Variants in WWOX observed in about 807,000 individuals in gnomAD.
The protein encoded by WWOX is WW domain containing oxidoreductase.
Under a neutral mutation model 46.2 loss-of-function variants are expected in WWOX, and 69 were observed. The observed-to-expected ratio is 1.49, with a 90% CI of 1.23 to 1.82. The LOEUF is 1.82. Among genes scored for constraint, WWOX ranks in the 40% most tolerant of loss-of-function variants. The pLI, the probability that WWOX is intolerant of heterozygous loss-of-function variation, is 0.00. For synonymous variants in WWOX, 359 were observed against 202.6 expected (o/e 1.77, Z -6.56); for missense variants, 919 against 542.6 (o/e 1.69, Z -6.89).
chr16:78,386,294 G>C (rs981973636), intron 5 of WWOX, among the ~76,000 whole-genome samples: 1 of 152,152 alleles, frequency 6.6e-6, no homozygotes, highest in African/African-American at 2.4e-5. Context: ...TATTCCACCT[G>C]TTGATAGAGT....
intron 8 of WWOX, chr16:79,017,053 G>A (rs769392498): frequency 3.0e-4 from 45 of 152,134 alleles, no homozygotes; most frequent in Admixed American, 2.0e-3. Flanking sequence ...AGCACTGAGT[G>A]TAACTCCAGG....
At chr16:79,059,869 T>C (rs1191216662) in intron 8 of WWOX, among the ~76,000 whole-genome samples, 1 of 152,222 alleles carries the variant, frequency 6.6e-6, no homozygotes, top group Non-Finnish European at 1.5e-5. Flanking sequence ...CACACAAAAA[T>C]AGCTTTATTA....
At chr16:78,436,253 G>T (rs1977023) in intron 8 of WWOX, among the ~76,000 whole-genome samples, 27,133 of 152,076 alleles carry the variant, frequency 0.18, 3,135 homozygotes, top group East Asian at 0.42. Flanking sequence ...AAAGGGAAGA[G>T]AAGGGCTTTG....
chr16:78,754,424 G>A (rs2049582762), intron 8 of WWOX, among the ~76,000 whole-genome samples: 1 of 152,260 alleles, frequency 6.6e-6, no homozygotes, highest in African/African-American at 2.4e-5. Flanking sequence ...GTAGATCAGG[G>A]TTTTGAAGAG....
chr16:78,947,209 T>G (rs2045966396), intron 8 of WWOX, among the ~76,000 whole-genome samples: 1 of 152,088 alleles, frequency 6.6e-6, no homozygotes, highest in Admixed American at 6.5e-5. Flanking sequence ...TAAATTAGGA[T>G]AATCCAACTG....
chr16:78,104,100 T>G (rs2031978486), intron 1 of WWOX, among the ~76,000 whole-genome samples: 1 of 152,066 alleles, frequency 6.6e-6, no homozygotes, highest in Non-Finnish European at 1.5e-5. Context: ...CGTCCTTGTT[T>G]GCCCTTCCCC....
At chr16:78,710,482 A>ATATATATATATATATATT (rs2048417699) in intron 8 of WWOX, among the ~76,000 whole-genome samples, 1 of 128,336 alleles carries the variant, frequency 7.8e-6, no homozygotes, top group Non-Finnish European at 1.6e-5. Flanking sequence ...TCATATATAT[A>ATATATATATATATATATT]TATATATATA....
chr16:79,090,727 A>G (rs768782387), intron 8 of WWOX, among the ~76,000 whole-genome samples: 1 of 152,180 alleles, frequency 6.6e-6, no homozygotes, highest in Non-Finnish European at 1.5e-5. Context: ...GGCGGGGCCC[A>G]GGCATGCCAC....
In WWOX at chr16:78,909,475, A is replaced by G. The variant is rs1441397533; in HGVS notation, c.1057-302133A>G. Among the ~76,000 whole-genome samples, 3 of 152,206 alleles carry G rather than the reference A, an allele frequency of 2.0e-5. No homozygotes were observed. In the East Asian group the frequency reaches 5.8e-4, roughly 29 times the overall value. ...ACACAAGTGTCAAAACAGGAGCTGT[A>G]TTTCATGTCCTGAAAAGTGTGCACG... On this transcript the variant is annotated intron_variant, in intron 8 of 8. Coordinates refer to ENST00000566780, the MANE Select transcript of WWOX (RefSeq NM_016373.4).
intron 8 of WWOX, among the ~76,000 whole-genome samples, chr16:78,680,177 A>C (rs1198692301): frequency 6.6e-6 from 1 of 152,216 alleles, no homozygotes; most frequent in African/African-American, 2.4e-5. Flanking sequence ...AGGGAGGCTG[A>C]GGCTGGTGGA....
At chr16:78,711,418 G>A (rs747702792) in intron 8 of WWOX, among the ~76,000 whole-genome samples, 3 of 152,124 alleles carry the variant, frequency 2.0e-5, no homozygotes, top group Non-Finnish European at 2.9e-5. Context: ...TGAAGACTAG[G>A]TGGCTGCAGC....
chr16:78,756,027 A>G (rs1277725969), intron 8 of WWOX, among the ~76,000 whole-genome samples: 1 of 152,294 alleles, frequency 6.6e-6, no homozygotes, highest in East Asian at 1.9e-4. Context: ...ACAAGGCCTC[A>G]TGTATGAACT....
intron 8 of WWOX, among the ~76,000 whole-genome samples, chr16:78,926,172 G>A (rs1164950082): frequency 6.6e-6 from 1 of 152,072 alleles, no homozygotes; most frequent in Non-Finnish European, 1.5e-5. Flanking sequence ...CCAGGAGTTT[G>A]AGACCAGCCT....
intron 8 of WWOX, among the ~76,000 whole-genome samples, chr16:78,789,228 G>C (rs2050532288): frequency 1.3e-5 from 2 of 152,102 alleles, no homozygotes; most frequent in African/African-American, 4.8e-5. Context: ...TCAGAAAAGA[G>C]TTTTTCCCTG....
intron 8 of WWOX, among the ~76,000 whole-genome samples, chr16:78,762,220 A>T (rs8182114): frequency 6.6e-6 from 1 of 152,040 alleles, no homozygotes; most frequent in African/African-American, 2.4e-5. Flanking sequence ...AGCCAAGAGC[A>T]TACAGCAGCT....
At chr16:79,152,871 G>T (rs552822764) in intron 8 of WWOX, among the ~76,000 whole-genome samples, 9 of 152,258 alleles carry the variant, frequency 5.9e-5, no homozygotes, top group African/African-American at 2.2e-4. Context: ...AGATAGAACG[G>T]AGTACCCAGT....
At chr16:78,500,200 TTG>T (rs1939445912) in intron 8 of WWOX, among the ~76,000 whole-genome samples, 1 of 152,160 alleles carries the variant, frequency 6.6e-6, no homozygotes, top group Non-Finnish European at 1.5e-5. Flanking sequence ...GCAGTACTAA[TTG>T]TGTGTGTGAC....
chr16:78,957,432 A>G (rs1185396290), intron 8 of WWOX, among the ~76,000 whole-genome samples: 1 of 152,144 alleles, frequency 6.6e-6, no homozygotes, highest in Non-Finnish European at 1.5e-5. Flanking sequence ...TCAGGCCTGA[A>G]CTTGTCAACA....
intron 8 of WWOX, among the ~76,000 whole-genome samples, chr16:78,801,420 G>T (rs188064930): frequency 6.6e-6 from 1 of 152,222 alleles, no homozygotes; most frequent in East Asian, 1.9e-4. Flanking sequence ...GAGGCAGGAA[G>T]GTCACTTGAA....
Sources: allele counts gnomAD v4.1 joint callset (sites outside exome capture counted in the v4.1 genomes callset), GRCh38; gene constraint gnomAD v4.1.1; transcripts MANE v1.5; gene names NCBI Gene and HGNC (gene_info 2026-07-23, HGNC 2026-07-21).